The following VSNL1 variants were observed in gnomAD, a reference collection of about 807,000 sequenced individuals.
VSNL1 encodes visinin-like protein 1.
In VSNL1, 6 loss-of-function variants were observed where a neutral mutation model predicts 20.4. The ratio of observed to expected loss-of-function variants is 0.29; its 90% CI spans 0.16 to 0.58. The LOEUF (loss-of-function observed/expected upper bound fraction) is 0.58. VSNL1 is among the 20% of genes least tolerant of loss of function. The pLI, the probability that VSNL1 is intolerant of heterozygous loss-of-function variation, is 0.90. For synonymous variants in VSNL1, 93 were observed against 86.4 expected (o/e 1.08, Z -0.42); for missense variants, 100 against 234.5 (o/e 0.43, Z 3.75).
At chr2:17,580,541 A>C (rs541197095) in intron 1 of VSNL1, among the ~76,000 whole-genome samples, 1 of 152,162 alleles carries the variant, frequency 6.6e-6, no homozygotes, top group African/African-American at 2.4e-5. Flanking sequence ...TTTCAGTCCA[A>C]ACTCTGCCAG....
chr2:17,643,618 T>C (rs912553383), intron 2 of VSNL1, among the ~76,000 whole-genome samples: 114 of 152,318 alleles, frequency 7.5e-4, no homozygotes, highest in African/African-American at 2.7e-3. Flanking sequence ...AACCAGGTCA[T>C]TCTCGGCCCC....
At chr2:17,567,132 G>T (rs1248598091) in intron 1 of VSNL1, among the ~76,000 whole-genome samples, 1 of 151,696 alleles carries the variant, frequency 6.6e-6, no homozygotes, top group Non-Finnish European at 1.5e-5. Context: ...AATATACTTG[G>T]GATTTTTATT....
At chr2:17,604,920 C>T (rs912053260) in intron 2 of VSNL1, among the ~76,000 whole-genome samples, 9 of 152,202 alleles carry the variant, frequency 5.9e-5, no homozygotes, top group Admixed American at 3.9e-4. Flanking sequence ...TCTCTCTATC[C>T]GAGGCAGAGA....
chr2:17,618,348 T>A (rs1327161805), intron 2 of VSNL1, among the ~76,000 whole-genome samples: 2 of 152,204 alleles, frequency 1.3e-5, no homozygotes, highest in Non-Finnish European at 2.9e-5. Flanking sequence ...ATTTGGAGGC[T>A]TGAGACCCCT....
chr2:17,640,694 T>G (rs559690134), intron 2 of VSNL1, among the ~76,000 whole-genome samples: 4 of 152,216 alleles, frequency 2.6e-5, no homozygotes, highest in Non-Finnish European at 5.9e-5. Flanking sequence ...TTCTTTTTTT[T>G]TCTTTTATTT....
Position 17,656,522 on chromosome 2 carries a change from T to G in VSNL1, c.*1128T>G, listed in dbSNP as rs1490647193. ...GGTAGGCTGCAGGTGTCCCCCAACA[T>G]AAGTCAGTAGGAAAGAAGACATCTG... On this transcript the variant is annotated 3_prime_UTR_variant, in exon 4 of 4. Coordinates refer to ENST00000295156, the MANE Select transcript of VSNL1 (RefSeq NM_003385.5). 1 of 152,160 alleles carries G rather than the reference T, an allele frequency of 6.6e-6. No homozygotes were observed. Among genetic ancestry groups the G allele is most frequent in the Non-Finnish European group, 1.5e-5 (1 of 68,012 alleles). The allele number at this position is 152,160 out of a possible 1,614,324, so 9.4% of individuals were successfully genotyped here. A position where few individuals can be genotyped will look rare whatever the true frequency, so the allele number is the denominator to read the frequency against.
chr2:17,595,161 C>T (rs1273634097), intron 2 of VSNL1, among the ~76,000 whole-genome samples: 1 of 152,224 alleles, frequency 6.6e-6, no homozygotes. Context: ...CATGAAGACA[C>T]AGTCACCTCA....
chr2:17,593,894 C>A (rs2710692), intron 2 of VSNL1, among the ~76,000 whole-genome samples: 143,322 of 152,230 alleles, frequency 0.94, 68,037 homozygotes, highest in East Asian at 1. Context: ...CCTTGGAACT[C>A]TCTCTATTCT....
intron 2 of VSNL1, among the ~76,000 whole-genome samples, chr2:17,645,249 CA>C (rs1665967782): frequency 6.6e-6 from 1 of 152,246 alleles, no homozygotes; most frequent in African/African-American, 2.4e-5. Context: ...TGACACAGCA[CA>C]TCAGCTGTTG....
At chr2:17,624,053 G>C (rs1665448058) in intron 2 of VSNL1, among the ~76,000 whole-genome samples, 1 of 152,180 alleles carries the variant, frequency 6.6e-6, no homozygotes, top group Non-Finnish European at 1.5e-5. Context: ...TTCTGTGATA[G>C]AAACACATTA....
At chr2:17,563,936 T>G (rs931738811) in intron 1 of VSNL1, among the ~76,000 whole-genome samples, 2 of 152,200 alleles carry the variant, frequency 1.3e-5, no homozygotes, top group African/African-American at 2.4e-5. Flanking sequence ...AAAATTTACC[T>G]TCTTACTTCT....
chr2:17,581,237 A>G (rs1187633890), intron 1 of VSNL1, among the ~76,000 whole-genome samples: 2 of 151,906 alleles, frequency 1.3e-5, no homozygotes, highest in East Asian at 3.9e-4. Context: ...TATAGTTTTA[A>G]TTTCCCTTTA....
In VSNL1 at chr2:17,553,054, G is replaced by C. The variant is rs182875736; in HGVS notation, c.-6+12136G>C. ...GAATGTTAAGTCTCCTATAAAAAGA[G>C]GGGGAGGGGGAAAGAGAGAAAGAGA... is the stretch of plus-strand genomic sequence containing the variant. On this transcript the variant is annotated intron_variant, in intron 1 of 3. Coordinates refer to ENST00000295156, the MANE Select transcript of VSNL1 (RefSeq NM_003385.5). Among the ~76,000 whole-genome samples the C allele has an allele frequency of 2.6e-3, 398 of 152,164 alleles. 8 individuals carry two copies. Among genetic ancestry groups the C allele is most frequent in the Admixed American group, 0.023 (348 of 15,274 alleles).
Position 17,614,063 on chromosome 2 carries a change from A to G in VSNL1, c.162+21827A>G, listed in dbSNP as rs369794320. On this transcript the variant is annotated intron_variant, in intron 2 of 3. Coordinates refer to ENST00000295156, the MANE Select transcript of VSNL1 (RefSeq NM_003385.5). The stretch of plus-strand genomic sequence containing the variant: ...CGGAAAAGGCTTTCTGGAAGAAATC[A>G]GATTTGAGTGGGGCTCTGAACTGGG... Among the ~76,000 whole-genome samples, 22 of 152,326 alleles carry G rather than the reference A, an allele frequency of 1.4e-4. No individual in the cohort carries two copies. In the East Asian group the frequency reaches 2.7e-3, roughly 19 times the overall value.
chr2:17,621,173 GC>G (rs1411583953), intron 2 of VSNL1, among the ~76,000 whole-genome samples: 4 of 152,006 alleles, frequency 2.6e-5, no homozygotes, highest in African/African-American at 9.7e-5. Flanking sequence ...ATAAAAATCA[GC>G]AGTTTCTTTC....
intron 1 of VSNL1, among the ~76,000 whole-genome samples, chr2:17,550,106 A>G (rs999404647): frequency 4.6e-5 from 7 of 152,222 alleles, no homozygotes; most frequent in Non-Finnish European, 1.0e-4. Context: ...GCATAATAGC[A>G]TGTGACAATA....
intron 1 of VSNL1, among the ~76,000 whole-genome samples, chr2:17,589,009 A>G (rs62132091): frequency 2.0e-5 from 3 of 152,068 alleles, no homozygotes; most frequent in Admixed American, 6.6e-5. Context: ...AGAGAAATAC[A>G]TAATGATCAT....
chr2:17,554,066 AAC>A (rs1663616143), intron 1 of VSNL1, among the ~76,000 whole-genome samples: 1 of 152,234 alleles, frequency 6.6e-6, no homozygotes, highest in South Asian at 2.1e-4. Flanking sequence ...AGATGAATTC[AAC>A]ACACAGTATT....
Position 17,554,952 on chromosome 2 carries a change from G to T in VSNL1, c.-6+14034G>T, listed in dbSNP as rs141758138. The stretch of plus-strand genomic sequence containing the variant: ...TGCAAATGTATATTTTAAATACTTG[G>T]ATTACACTCCATCGTATATATGAAC... On this transcript the variant is annotated intron_variant, in intron 1 of 3. Transcript: ENST00000295156. Among the ~76,000 whole-genome samples the T allele has an allele frequency of 4.6e-5, 7 of 152,010 alleles. No individual in the cohort carries two copies. In the East Asian group the frequency reaches 1.2e-3, roughly 25 times the overall value.
Sources: gnomAD v4.1 joint callset for allele counts (sites outside exome capture counted in the v4.1 genomes callset) on GRCh38, gnomAD v4.1.1 for gene constraint, MANE v1.5 for transcripts, NCBI Gene and HGNC (gene_info 2026-07-23, HGNC 2026-07-21) for gene names.